The following LRRFIP2 variants were observed in gnomAD, a reference collection of about 807,000 sequenced individuals.
LRRFIP2 encodes LRR binding FLII interacting protein 2.
LRRFIP2 carries 109 observed loss-of-function variants against 125.9 expected under a neutral mutation model. That is an observed-to-expected ratio of 0.87 (90% CI 0.74 to 1.01). The LOEUF (loss-of-function observed/expected upper bound fraction) is 1.01. Ranked by LOEUF, LRRFIP2 falls within the 50% of genes least tolerant of loss-of-function variation. LRRFIP2 has a pLI of 0.00. For missense variants in LRRFIP2, 850 were observed against 862.3 expected (o/e 0.99, Z 0.18); for synonymous variants, 291 against 293.1 (o/e 0.99, Z 0.07).
chr3:37,104,855 T>C (rs1025760870), intron 14 of LRRFIP2, among the ~76,000 whole-genome samples: 1 of 152,006 alleles, frequency 6.6e-6, no homozygotes, highest in African/African-American at 2.4e-5. Context: ...TTTTTTTTTT[T>C]CTTTTGAGAG....
intron 21 of LRRFIP2, 40 bp from the exon 22 acceptor site, chr3:37,066,365 A>G: frequency 6.7e-7 from 1 of 1,492,094 alleles, no homozygotes; most frequent in Non-Finnish European, 9.4e-7. Flanking sequence ...AATGGCACAG[A>G]AAAAGAGCAG....
At chr3:37,088,574 A>G (rs2093233766) in intron 18 of LRRFIP2, among the ~76,000 whole-genome samples, 2 of 150,560 alleles carry the variant, frequency 1.3e-5, no homozygotes, top group Non-Finnish European at 3.0e-5. Context: ...ATGCTTTGAG[A>G]GGCCAAGCGG....
chr3:37,158,779 T>C (rs1362506718), intron 1 of LRRFIP2, among the ~76,000 whole-genome samples: 1 of 152,086 alleles, frequency 6.6e-6, no homozygotes, highest in Non-Finnish European at 1.5e-5. Context: ...AAAAATGCAA[T>C]TAATATGAAG....
At chr3:37,136,960 G>T (rs2095570154) in intron 2 of LRRFIP2, among the ~76,000 whole-genome samples, 2 of 101,754 alleles carry the variant, frequency 2.0e-5, no homozygotes, top group Non-Finnish European at 4.2e-5. Flanking sequence ...CTTTTTTGGG[G>T]GGGGTGGGGG....
chr3:37,129,692 T>C (rs2095376468), intron 2 of LRRFIP2, among the ~76,000 whole-genome samples: 3 of 152,220 alleles, frequency 2.0e-5, no homozygotes, highest in East Asian at 1.9e-4. Context: ...AAATTCACTA[T>C]TTAAATGTAT....
chr3:37,154,880 A>C (rs1440969956), intron 1 of LRRFIP2, among the ~76,000 whole-genome samples: 1 of 152,234 alleles, frequency 6.6e-6, no homozygotes, highest in Admixed American at 6.5e-5. Flanking sequence ...CCTGATAGAT[A>C]GTTCTTTTAT....
At chr3:37,086,424 A>G (rs1027857204) in intron 18 of LRRFIP2, among the ~76,000 whole-genome samples, 2 of 152,220 alleles carry the variant, frequency 1.3e-5, no homozygotes, top group African/African-American at 2.4e-5. Context: ...TTGCACACAA[A>G]TGTTCACAGC....
At chr3:37,135,099 C>T in intron 2 of LRRFIP2, 7 of 1,323,622 alleles carry the variant, frequency 5.3e-6, no homozygotes, top group Admixed American at 1.7e-5. Flanking sequence ...AGAAGAATGC[C>T]ATATGATGCT....
intron 6 of LRRFIP2, among the ~76,000 whole-genome samples, chr3:37,118,549 A>G (rs1464466864): frequency 3.3e-5 from 5 of 152,102 alleles, no homozygotes; most frequent in Non-Finnish European, 7.4e-5. Context: ...CCCTCCCCCA[A>G]TCCTACCATT....
intron 21 of LRRFIP2, chr3:37,067,350 A>T (rs2090349400): frequency 6.6e-6 from 1 of 152,258 alleles, no homozygotes; most frequent in African/African-American, 2.4e-5. Context: ...TGTAAAAGAA[A>T]ATAACCCAGA....
chr3:37,065,700 C>G, intron 23 of LRRFIP2, 110 bp downstream of exon 23: 1 of 1,340,662 alleles, frequency 7.5e-7, no homozygotes, highest in Non-Finnish European at 1.1e-6. Flanking sequence ...TAAGGATCTA[C>G]TTGAGTCTCA....
intron 24 of LRRFIP2, among the ~76,000 whole-genome samples, chr3:37,062,626 T>C (rs867414701): frequency 2.0e-5 from 3 of 152,116 alleles, no homozygotes; most frequent in Admixed American, 6.6e-5. Context: ...GAACTCAAAA[T>C]GTTCATGAAA....
At chr3:37,085,792 C>T in intron 18 of LRRFIP2, among the ~76,000 whole-genome samples, 1 of 151,916 alleles carries the variant, frequency 6.6e-6, no homozygotes, top group East Asian at 2.0e-4. Context: ...CTATGTTGGC[C>T]AGACTGGTCT....
At chr3:37,107,724 GCAGAA>G (rs1486687196) in intron 13 of LRRFIP2, among the ~76,000 whole-genome samples, 1 of 152,040 alleles carries the variant, frequency 6.6e-6, no homozygotes, top group Non-Finnish European at 1.5e-5. Context: ...GGCTCAATGT[GCAGAA>G]TGTAAAGATA....
chr3:37,127,491 G>C, intron 4 of LRRFIP2, 139 bp downstream of exon 4: 1 of 811,734 alleles, frequency 1.2e-6, no homozygotes, highest in Non-Finnish European at 2.1e-6. Flanking sequence ...GTCCACTATA[G>C]ACAGAATAGA....
intron 1 of LRRFIP2, chr3:37,171,136 C>G (rs1008528784): frequency 6.6e-6 from 1 of 152,286 alleles, no homozygotes; most frequent in African/African-American, 2.4e-5. Context: ...GAGGAAGAAG[C>G]AGGGGAGGAG....
At chr3:37,104,608 T>C (rs925941167) in intron 14 of LRRFIP2, among the ~76,000 whole-genome samples, 3 of 152,256 alleles carry the variant, frequency 2.0e-5, no homozygotes, top group Non-Finnish European at 4.4e-5. Context: ...CTCTTTATTC[T>C]AGCTCTAAGC....
rs922367342 is a variant in LRRFIP2, at chr3:37,096,119, G to C, written c.918+497C>G. Among the ~76,000 whole-genome samples the C allele has an allele frequency of 2.0e-5, 3 of 152,260 alleles. No homozygotes were observed. In the South Asian group the frequency reaches 6.2e-4, roughly 32 times the overall value. On this transcript the variant is annotated intron_variant, in intron 16 of 27. Transcript: ENST00000336686. ...TCGCATTACATTTCTACTGGACAGAGTTAATTTATCTTTCTTGGGTATAGC... is the reference window on the plus strand; with the variant it reads ...TCGCATTACATTTCTACTGGACAGACTTAATTTATCTTTCTTGGGTATAGC...
chr3:37,134,064 C>T (rs2095495446), intron 2 of LRRFIP2, among the ~76,000 whole-genome samples: 1 of 151,956 alleles, frequency 6.6e-6, no homozygotes, highest in South Asian at 2.1e-4. Flanking sequence ...TGCCTGTAGT[C>T]CCAGCTACTT....
Sources: gnomAD v4.1 joint callset for allele counts (sites outside exome capture counted in the v4.1 genomes callset) on GRCh38, gnomAD v4.1.1 for gene constraint, MANE v1.5 for transcripts, NCBI Gene and HGNC (gene_info 2026-07-23, HGNC 2026-07-21) for gene names.